Variants in FAM241A observed in about 807,000 individuals in gnomAD.
FAM241A encodes uncharacterized protein FAM241A.
In FAM241A, 7 loss-of-function variants were observed where a neutral mutation model predicts 12.2. That is an observed-to-expected ratio of 0.58 (90% CI 0.33 to 1.08). FAM241A has a LOEUF of 1.08. FAM241A is among the 50% of genes least tolerant of loss of function. The pLI is 0.04. For missense variants in FAM241A, 161 were observed against 169.7 expected (o/e 0.95, Z 0.29); for synonymous variants, 74 against 68.2 (o/e 1.08, Z -0.42).
At chr4:112,147,639 A>G (rs1465617165) in intron 1 of FAM241A, among the ~76,000 whole-genome samples, 5 of 152,264 alleles carry the variant, frequency 3.3e-5, no homozygotes, top group African/African-American at 7.2e-5. Context: ...AATGAAATTA[A>G]CAACTATGGA....
chr4:112,166,351 T>A lies in FAM241A; in HGVS notation c.154-20342T>A, dbSNP rs547559570. Among the ~76,000 whole-genome samples, 42 of 152,284 alleles carry A rather than the reference T, an allele frequency of 2.8e-4. No individual in the cohort carries two copies. In the East Asian group the frequency reaches 6.0e-3, roughly 22 times the overall value. ...TCCCAAAGTGCTGGGAAAATTTTTT[T>A]AAATGTTTTTTAAAAGTACATTTCT... On this transcript the variant is annotated intron_variant, in intron 1 of 1. Coordinates refer to ENST00000309733, the MANE Select transcript of FAM241A (RefSeq NM_152400.3).
intron 1 of FAM241A, among the ~76,000 whole-genome samples, chr4:112,166,501 G>A (rs1289485997): frequency 2.6e-5 from 4 of 152,190 alleles, no homozygotes; most frequent in African/African-American, 7.2e-5. Flanking sequence ...AAGGGGTGAG[G>A]TTGAGAAGGA....
intron 1 of FAM241A, among the ~76,000 whole-genome samples, chr4:112,148,293 CTTG>C (rs1723179911): frequency 6.6e-6 from 1 of 152,034 alleles, no homozygotes; most frequent in Admixed American, 6.6e-5. Context: ...CTTTCATCAG[CTTG>C]TTATTACAAT....
chr4:112,183,245 A>G (rs771808433), intron 1 of FAM241A, among the ~76,000 whole-genome samples: 21 of 151,950 alleles, frequency 1.4e-4, no homozygotes, highest in Non-Finnish European at 2.4e-4. Context: ...GGTTTATTAT[A>G]CTATTTTCTC....
rs1432171695 is a variant in FAM241A at position 112,190,052 on chromosome 4, G to A, written c.*3114G>A. The stretch of plus-strand genomic sequence containing the variant: ...TTCCCTTGTGGGTATTATGGTTCAT[G>A]GTTATCTTCTGACCAACAAATCTCT... On this transcript the variant is annotated 3_prime_UTR_variant, in exon 2 of 2. Transcript: ENST00000309733. The A allele has an allele frequency of 7.7e-6, 1 of 129,270 alleles. No individual in the cohort carries two copies. The highest frequency in any genetic ancestry group is 1.7e-5 in the Non-Finnish European group (1 of 59,344). 8.0% of individuals were successfully genotyped at this position (129,270 alleles called of 1,614,324 possible).
In FAM241A at chr4:112,182,033, G is replaced by A. The variant is rs1398802972; in HGVS notation, c.154-4660G>A. Among the ~76,000 whole-genome samples the A allele has an allele frequency of 5.3e-5, 8 of 152,194 alleles. 1 individual carries two copies. The highest frequency in any genetic ancestry group is 5.2e-4 in the Admixed American group (8 of 15,278). On this transcript the variant is annotated intron_variant, in intron 1 of 1. Coordinates refer to ENST00000309733, the MANE Select transcript of FAM241A (RefSeq NM_152400.3). Reference sequence around the variant, plus strand: ...ATCTTAGTAGACTCTTAGGATTATAGCAGTAGATGGAATAGTATATACACT... The same window carrying A: ...ATCTTAGTAGACTCTTAGGATTATAACAGTAGATGGAATAGTATATACACT...
intron 1 of FAM241A, among the ~76,000 whole-genome samples, chr4:112,175,433 T>C (rs1723799828): frequency 6.6e-6 from 1 of 152,132 alleles, no homozygotes; most frequent in Non-Finnish European, 1.5e-5. Flanking sequence ...TGGCTAGAGC[T>C]TTCATTGGCC....
chr4:112,169,530 C>A (rs1162063997), intron 1 of FAM241A, among the ~76,000 whole-genome samples: 1 of 152,158 alleles, frequency 6.6e-6, no homozygotes, highest in Non-Finnish European at 1.5e-5. Flanking sequence ...AGATCCAAAA[C>A]AATCCTCAGG....
intron 1 of FAM241A, among the ~76,000 whole-genome samples, chr4:112,150,927 C>T (rs1723234623): frequency 6.6e-6 from 1 of 152,078 alleles, no homozygotes; most frequent in East Asian, 1.9e-4. Flanking sequence ...AGCTGTTAGG[C>T]CTAATTTTGG....
In FAM241A at chr4:112,188,364, T is replaced by C. The variant is rs1376805466; in HGVS notation, c.*1426T>C. 6.6e-6 allele frequency: 1 copy of C among 152,166 alleles called. No homozygotes were observed. Among genetic ancestry groups the C allele is most frequent in the African/African-American group, 2.4e-5 (1 of 41,464 alleles). 9.4% of individuals were successfully genotyped at this position (152,166 alleles called of 1,614,324 possible). ...TAAACCTCTGTGCATTCTTAGTGTC[T>C]TCTCATTCTGAAACAGAAAATAAGG... On this transcript the variant is annotated 3_prime_UTR_variant, in exon 2 of 2. Transcript: ENST00000309733.
chr4:112,154,155 G>A (rs1323891510), intron 1 of FAM241A, among the ~76,000 whole-genome samples: 1 of 152,166 alleles, frequency 6.6e-6, no homozygotes, highest in Non-Finnish European at 1.5e-5. Flanking sequence ...CAGCAGAAGC[G>A]AAATTTTCAC....
chr4:112,178,360 T>C (rs1723864825), intron 1 of FAM241A, among the ~76,000 whole-genome samples: 1 of 152,210 alleles, frequency 6.6e-6, no homozygotes, highest in Admixed American at 6.5e-5. Flanking sequence ...TTAATTTGTC[T>C]TGACTTAATT....
At chr4:112,179,194 C>T (rs549094596) in intron 1 of FAM241A, among the ~76,000 whole-genome samples, 3 of 152,262 alleles carry the variant, frequency 2.0e-5, no homozygotes, top group African/African-American at 7.2e-5. Flanking sequence ...GACATGAAGT[C>T]CTTGCCCATG....
At position 112,189,370 on chromosome 4, in the gene FAM241A, CAAAAAAAAAAAAA is replaced by C. The variant is rs542269288; in HGVS notation, c.*2445_*2457del. On this transcript the variant is annotated 3_prime_UTR_variant, in exon 2 of 2. Transcript: ENST00000309733. ...TGGGTAACAGAGTGAGACCCCATCT[CAAAAAAAAAAAAA>C]AAAAAAAAAAAATTGGATTGAAAAT... 85 of 78,418 alleles carry C rather than the reference CAAAAAAAAAAAAA, an allele frequency of 1.1e-3. No homozygotes were observed. The highest frequency in any genetic ancestry group is 4.0e-3 in the African/African-American group (78 of 19,706). 4.9% of individuals were successfully genotyped at this position (78,418 alleles called of 1,614,324 possible). A position where few individuals can be genotyped will look rare whatever the true frequency, so the allele number is the denominator to read the frequency against.
At chr4:112,179,045 C>T (rs1723876411) in intron 1 of FAM241A, among the ~76,000 whole-genome samples, 1 of 152,130 alleles carries the variant, frequency 6.6e-6, no homozygotes, top group South Asian at 2.1e-4. Flanking sequence ...AGTTCAGCCA[C>T]TGTGGAAAGC....
At chr4:112,179,379 T>C (rs1319885613) in intron 1 of FAM241A, among the ~76,000 whole-genome samples, 1 of 152,056 alleles carries the variant, frequency 6.6e-6, no homozygotes, top group Non-Finnish European at 1.5e-5. Flanking sequence ...TATGCAGCCA[T>C]AAAAAATGAT....
At chr4:112,167,717 T>C (rs1723627332) in intron 1 of FAM241A, among the ~76,000 whole-genome samples, 1 of 152,200 alleles carries the variant, frequency 6.6e-6, no homozygotes, top group Non-Finnish European at 1.5e-5. Flanking sequence ...AGCAGTTTAA[T>C]AGCAGGGAAC....
intron 1 of FAM241A, among the ~76,000 whole-genome samples, chr4:112,161,712 C>G (rs890034511): frequency 4.6e-5 from 7 of 152,166 alleles, no homozygotes; most frequent in Non-Finnish European, 1.0e-4. Flanking sequence ...GGATTCACAG[C>G]TGAATTCTAC....
intron 1 of FAM241A, among the ~76,000 whole-genome samples, chr4:112,160,404 C>CAAAAAAAA (rs34894300): frequency 8.2e-6 from 1 of 121,694 alleles, no homozygotes. Context: ...AACTCCATCT[C>CAAAAAAAA]AAAAAAAAAA....
Sources: allele counts gnomAD v4.1 joint callset (sites outside exome capture counted in the v4.1 genomes callset), GRCh38; gene constraint gnomAD v4.1.1; transcripts MANE v1.5; gene names NCBI Gene and HGNC (gene_info 2026-07-23, HGNC 2026-07-21).